LIMK1: variants seen among roughly 807,000 people sequenced by gnomAD.
The protein encoded by LIMK1 is LIM motif-containing protein kinase.
A neutral mutation model predicts 77.6 loss-of-function variants in LIMK1; 21 were observed. That is an observed-to-expected ratio of 0.27 (90% confidence interval 0.19 to 0.39). LIMK1 has a LOEUF of 0.39. LIMK1 is among the 10% of genes least tolerant of loss of function. LIMK1 has a pLI of 1.00. For synonymous variants in LIMK1, 358 were observed against 370.0 expected, an observed-to-expected ratio of 0.97 and a Z score of 0.37; for missense variants, 696 against 901.6, an observed-to-expected ratio of 0.77 and a Z score of 2.92.
At chr7:74,096,583 G>C (rs1799340188) in intron 2 of LIMK1, 39 bp from the exon 3 acceptor site, 3 of 1,613,122 alleles carry the variant, frequency 1.9e-6, no homozygotes, top group Non-Finnish European at 8.5e-7. Context: ...GGTGGAGGAG[G>C]GCGGGAGTGG....
rs2115777455 is a variant in LIMK1 at position 74,121,592 on chromosome 7, G to A, written c.*291G>A. 2.4e-6 allele frequency: 1 copy of A among 423,546 alleles called. No homozygotes were observed. Among genetic ancestry groups the A allele is most frequent in the East Asian group, 3.8e-5 (1 of 26,004 alleles). 26.2% of individuals were successfully genotyped at this position (423,546 alleles called of 1,614,324 possible). A position where few individuals can be genotyped will look rare whatever the true frequency, so the allele number is the denominator to read the frequency against. On this transcript the variant is annotated 3_prime_UTR_variant, in exon 16 of 16. Transcript: ENST00000336180. ...CTTGCATGAGCTGGAGGGCCTGTGTGAGTTACGCCCCTTTCCACACGCCGC... is the reference window on the plus strand; with the variant it reads ...CTTGCATGAGCTGGAGGGCCTGTGTAAGTTACGCCCCTTTCCACACGCCGC...
intron 5 of LIMK1, among the ~76,000 whole-genome samples, chr7:74,102,805 C>T (rs2115688790): frequency 6.6e-6 from 1 of 151,994 alleles, no homozygotes; most frequent in African/African-American, 2.4e-5. Context: ...TAGCAATCTC[C>T]CCCTCATCCA....
At chr7:74,098,076 A>C (rs1799371472) in intron 4 of LIMK1, among the ~76,000 whole-genome samples, 2 of 152,096 alleles carry the variant, frequency 1.3e-5, no homozygotes, top group Admixed American at 1.3e-4. Context: ...CAGAGTTTTT[A>C]TTGGGATTTC....
chr7:74,085,254 C>T (rs1799113781), intron 1 of LIMK1, among the ~76,000 whole-genome samples: 1 of 152,222 alleles, frequency 6.6e-6, no homozygotes, highest in African/African-American at 2.4e-5. Flanking sequence ...TCTGTTAGGG[C>T]CGGCACCTCC....
Position 74,120,644 on chromosome 7 carries a change from T to C in LIMK1, c.1623+6T>C, listed in dbSNP as rs1182207286. On this transcript the variant is annotated splice_donor_region_variant and intron_variant, in intron 14 of 15. Coordinates refer to ENST00000336180, the MANE Select transcript of LIMK1 (RefSeq NM_002314.4). ...TTGGGATCGTCCTGTGCGAGGTAGG[T>C]CCAGGGTTGGGTAGCAGCGGTGTTG... is the stretch of plus-strand genomic sequence containing the variant. 2 of 1,614,012 alleles carry C rather than the reference T, an allele frequency of 1.2e-6. No individual in the cohort carries two copies. Among genetic ancestry groups the C allele is most frequent in the Non-Finnish European group, 1.7e-6 (2 of 1,180,004 alleles).
chr7:74,107,022 C>T lies in LIMK1; in HGVS notation c.894C>T (p.Ser298=). 1 of 1,590,002 alleles carries T rather than the reference C, an allele frequency of 6.3e-7. No individual in the cohort carries two copies. Among genetic ancestry groups the T allele is most frequent in the East Asian group, 2.3e-5 (1 of 44,070 alleles). ...GTGTGCCCCCCAGGAGGAGCTGCAG[C>T]ATCGACAGGTCTCCGGGCGCTGGCT... ...ARQKPVLRSC[S]IDRSPGAGSL... is the part of the protein sequence containing the mutation. The change falls in exon 8 of 16, where the codon AGC becomes AGT. Residue 298 remains serine, a synonymous_variant. Transcript: ENST00000336180.
intron 12 of LIMK1, among the ~76,000 whole-genome samples, chr7:74,114,951 T>C (rs950569952): frequency 1.5e-4 from 22 of 149,622 alleles, no homozygotes; most frequent in Non-Finnish European, 3.0e-4. Flanking sequence ...GGGCCAGGTA[T>C]GGTGGCTTAC....
rs1554695784 is a variant in LIMK1 at position 74,097,156 on chromosome 7, C to T, written c.368C>T (p.Thr123Ile). Residue 123 changes from threonine (T) to isoleucine (I), a missense_variant, in exon 4 of 16, where the codon ACC (threonine) becomes ATC (isoleucine). Physicochemically the swap from Thr to Ile is moderately conservative, Grantham distance 89 (BLOSUM62 -1). Coordinates refer to ENST00000336180, the MANE Select transcript of LIMK1 (RefSeq NM_002314.4). ...TCGTFIGDGD[T>I]YTLVEHSKLY... ...GGGACCTTTATCGGTGACGGGGACACCTACACGCTGGTGGAGCACTCCAAG... is the reference window on the plus strand; with the variant it reads ...GGGACCTTTATCGGTGACGGGGACATCTACACGCTGGTGGAGCACTCCAAG... 1 of 1,612,942 alleles carries T rather than the reference C, an allele frequency of 6.2e-7. No individual in the cohort carries two copies. Among genetic ancestry groups the T allele is most frequent in the Non-Finnish European group, 8.5e-7 (1 of 1,179,760 alleles).
At chr7:74,089,373 T>C (rs1312303319) in intron 2 of LIMK1, among the ~76,000 whole-genome samples, 3 of 152,078 alleles carry the variant, frequency 2.0e-5, no homozygotes, top group African/African-American at 7.2e-5. Context: ...ATGGTGGTGG[T>C]GCCTGTAGTC....
At chr7:74,105,232 G>T (rs1399839257) in intron 5 of LIMK1, among the ~76,000 whole-genome samples, 3 of 152,212 alleles carry the variant, frequency 2.0e-5, no homozygotes, top group Non-Finnish European at 4.4e-5. Flanking sequence ...GGGATTACAG[G>T]TGTGAGCCAC....
intron 5 of LIMK1, 124 bp from the exon 6 acceptor site, chr7:74,105,751 T>A: frequency 1.6e-6 from 1 of 643,152 alleles, no homozygotes; most frequent in South Asian, 1.9e-5. Flanking sequence ...CATCTGCTAC[T>A]TCCCAGTCAC....
intron 2 of LIMK1, chr7:74,093,098 C>A: frequency 2.1e-6 from 3 of 1,403,414 alleles, no homozygotes; most frequent in Non-Finnish European, 2.8e-6. Flanking sequence ...GGCACCCACG[C>A]GGCTGCAGCC....
intron 9 of LIMK1, 24 bp downstream of exon 9, chr7:74,107,981 C>A (rs1554697943): frequency 6.6e-7 from 1 of 1,516,032 alleles, no homozygotes; most frequent in Admixed American, 2.0e-5. Flanking sequence ...ATGCCCTCTT[C>A]CCTCCAGAGG....
In LIMK1 at chr7:74,105,856, A is replaced by AC. The variant is rs782579660; in HGVS notation, c.609-15dup. On this transcript the variant is annotated intron_variant, in intron 5 of 15. Coordinates refer to ENST00000336180, the MANE Select transcript of LIMK1 (RefSeq NM_002314.4). ...TGAGGGACAGGTGGGCACTGGCCTG[A>AC]CCCCTGCCTTACCCACAGAGTGGAT... 7.5e-6 allele frequency: 12 copies of AC among 1,597,148 alleles called. No homozygotes were observed. The highest frequency in any genetic ancestry group is 1.3e-5 in the African/African-American group (1 of 74,508).
At chr7:74,106,964 T>A (rs546562520) in intron 7 of LIMK1, 46 bp from the exon 8 acceptor site, 2 of 1,494,920 alleles carry the variant, frequency 1.3e-6, no homozygotes, top group Non-Finnish European at 1.8e-6. Context: ...CTTGGCCGGG[T>A]GCTACCTGTC....
chr7:74,088,330 C>T (rs924234295), intron 2 of LIMK1, among the ~76,000 whole-genome samples: 4 of 152,032 alleles, frequency 2.6e-5, no homozygotes, highest in Admixed American at 2.0e-4. Context: ...AAGAGGCCTT[C>T]GGGGGGCAAG....
chr7:74,105,513 C>CAA (rs201143839), intron 5 of LIMK1, among the ~76,000 whole-genome samples: 25 of 93,710 alleles, frequency 2.7e-4, no homozygotes, highest in Admixed American at 1.3e-3. Context: ...ATTCTGTCTC[C>CAA]AAAAAAAAAA....
intron 2 of LIMK1, chr7:74,093,125 A>C: frequency 8.3e-6 from 12 of 1,439,536 alleles, no homozygotes; most frequent in Non-Finnish European, 1.1e-5. Context: ...TGTGCGCTGC[A>C]GCCACGCTGG....
chr7:74,117,620 C>G (rs2115757264), intron 13 of LIMK1, among the ~76,000 whole-genome samples: 1 of 152,188 alleles, frequency 6.6e-6, no homozygotes, highest in South Asian at 2.1e-4. Flanking sequence ...AGGCAGACCC[C>G]AGCCATCACC....
Sources: allele counts gnomAD v4.1 joint callset (sites outside exome capture counted in the v4.1 genomes callset), GRCh38; gene constraint gnomAD v4.1.1; transcripts MANE v1.5; gene names NCBI Gene and HGNC (gene_info 2026-07-23, HGNC 2026-07-21).